The following FER variants were observed in gnomAD, a reference collection of about 807,000 sequenced individuals.
The protein encoded by FER is FER tyrosine kinase, also known as tyrosine-protein kinase Fer.
Under a neutral mutation model 111.0 loss-of-function variants are expected in FER, and 63 were observed. The observed-to-expected ratio is 0.57, with a 90% CI of 0.46 to 0.70. The LOEUF is 0.70. FER is among the 30% of genes least tolerant of loss of function. FER has a pLI of 0.00. For synonymous variants in FER, 327 were observed against 313.9 expected (o/e 1.04, Z -0.44); for missense variants, 914 against 954.0 (o/e 0.96, Z 0.55).
chr5:109,053,874 G>C (rs559407404), intron 16 of FER, among the ~76,000 whole-genome samples: 1 of 151,660 alleles, frequency 6.6e-6, no homozygotes, highest in Non-Finnish European at 1.5e-5. Flanking sequence ...TGTATTTTTA[G>C]TACTGACGGG....
At chr5:109,126,717 C>T (rs1174718017) in intron 17 of FER, among the ~76,000 whole-genome samples, 1 of 152,058 alleles carries the variant, frequency 6.6e-6, no homozygotes. Context: ...TGAATTGCTC[C>T]TTGTCATTAT....
Position 108,928,291 on chromosome 5 carries a change from AG to A in FER, c.1237-17837del, listed in dbSNP as rs548620237. Among the ~76,000 whole-genome samples the A allele has an allele frequency of 4.4e-3, 666 of 152,322 alleles. 1 individual carries two copies. The highest frequency in any genetic ancestry group is 6.8e-3 in the Middle Eastern group (2 of 294). Reference sequence around the variant, plus strand: ...GCTTTTGTAAATATCTATATTTTGAAGGCCTGGTACTTACCCTCCTGCCAGC... The same window carrying A: ...GCTTTTGTAAATATCTATATTTTGAAGCCTGGTACTTACCCTCCTGCCAGC... On this transcript the variant is annotated intron_variant, in intron 10 of 19. Transcript: ENST00000281092.
At chr5:108,946,625 A>C (rs1757023265) in intron 11 of FER, among the ~76,000 whole-genome samples, 1 of 151,974 alleles carries the variant, frequency 6.6e-6, no homozygotes, top group African/African-American at 2.4e-5. Context: ...ATTTATGTGT[A>C]TATTTATATT....
chr5:108,899,233 C>T (rs984519345), intron 10 of FER, among the ~76,000 whole-genome samples: 4 of 152,064 alleles, frequency 2.6e-5, no homozygotes, highest in Admixed American at 6.5e-5. Flanking sequence ...CCATATTAAT[C>T]TACACATCAC....
At chr5:109,153,303 C>A (rs952361820) in intron 17 of FER, among the ~76,000 whole-genome samples, 16 of 151,746 alleles carry the variant, frequency 1.1e-4, no homozygotes, top group African/African-American at 2.7e-4. Flanking sequence ...AATATAGTTA[C>A]ATCTTCTGGT....
chr5:109,015,650 C>G (rs1428168831), intron 13 of FER, among the ~76,000 whole-genome samples: 1 of 151,980 alleles, frequency 6.6e-6, no homozygotes, highest in Non-Finnish European at 1.5e-5. Flanking sequence ...GCAGGATCAG[C>G]ACATCATGCC....
At chr5:108,879,697 AAAAAATATATATAT>A (rs1366486883) in intron 8 of FER, among the ~76,000 whole-genome samples, 2 of 96,038 alleles carry the variant, frequency 2.1e-5, no homozygotes, top group African/African-American at 6.1e-5. Context: ...TTAGATTAAA[AAAAAATATATATAT>A]ATATATATAT....
In FER at chr5:109,188,902, C is replaced by T. The variant is rs912455000; in HGVS notation, c.*1327C>T. On this transcript the variant is annotated 3_prime_UTR_variant, in exon 20 of 20. Transcript: ENST00000281092. Reference sequence around the variant, plus strand: ...TGATTCTAGTTCACCAACACATTCACGTGTGTACATGCGCGTGCACACACA... The same window carrying T: ...TGATTCTAGTTCACCAACACATTCATGTGTGTACATGCGCGTGCACACACA... 1 of 151,006 alleles carries T rather than the reference C, an allele frequency of 6.6e-6. No homozygotes were observed. The highest frequency in any genetic ancestry group is 2.4e-5 in the African/African-American group (1 of 41,030). The allele number at this position is 151,006 out of a possible 1,614,324, so 9.4% of individuals were successfully genotyped here.
intron 1 of FER, among the ~76,000 whole-genome samples, chr5:108,755,277 C>T (rs1383880904): frequency 6.6e-6 from 1 of 152,122 alleles, no homozygotes; most frequent in Non-Finnish European, 1.5e-5. Flanking sequence ...AAGGTTTAGT[C>T]CTTGGTCGCT....
intron 16 of FER, among the ~76,000 whole-genome samples, chr5:109,091,887 A>G (rs1464750546): frequency 2.0e-5 from 3 of 152,178 alleles, no homozygotes; most frequent in African/African-American, 4.8e-5. Flanking sequence ...GAAGAGCTTT[A>G]TTATTTATTA....
chr5:109,156,649 G>A (rs1755425970), intron 17 of FER, among the ~76,000 whole-genome samples: 1 of 151,984 alleles, frequency 6.6e-6, no homozygotes, highest in African/African-American at 2.4e-5. Flanking sequence ...GAACATCAAT[G>A]TTTAAGGAAT....
At chr5:108,915,148 C>A (rs1581180709) in intron 10 of FER, among the ~76,000 whole-genome samples, 1 of 152,112 alleles carries the variant, frequency 6.6e-6, no homozygotes, top group Admixed American at 6.6e-5. Flanking sequence ...TTTGGTTAAC[C>A]TAAGAGTCTC....
At chr5:109,083,207 G>A (rs530383557) in intron 16 of FER, among the ~76,000 whole-genome samples, 2 of 152,132 alleles carry the variant, frequency 1.3e-5, no homozygotes, top group East Asian at 3.9e-4. Flanking sequence ...ATTGAAAGCG[G>A]CTTTGATATC....
chr5:108,820,470 GAAT>G (rs1580715275), intron 3 of FER: 1 of 985,320 alleles, frequency 1.0e-6, no homozygotes, highest in East Asian at 1.1e-4. Context: ...AGTCCAAGAG[GAAT>G]AAAAGCAATT....
intron 13 of FER, among the ~76,000 whole-genome samples, chr5:108,983,039 A>G (rs533312594): frequency 6.6e-6 from 1 of 152,188 alleles, no homozygotes; most frequent in South Asian, 2.1e-4. Context: ...CAAAGATGGT[A>G]TATATTTTGT....
intron 5 of FER, among the ~76,000 whole-genome samples, chr5:108,864,575 T>C (rs1763846538): frequency 6.6e-6 from 1 of 152,214 alleles, no homozygotes; most frequent in Non-Finnish European, 1.5e-5. Context: ...TTTCTACATA[T>C]GGCTAGCCAG....
chr5:108,840,167 C>T (rs561807856), intron 5 of FER, among the ~76,000 whole-genome samples: 4 of 152,212 alleles, frequency 2.6e-5, no homozygotes, highest in African/African-American at 9.6e-5. Flanking sequence ...TAGCTTGCAT[C>T]TGCTGAGAAT....
chr5:108,923,007 A>G (rs1031664732), intron 10 of FER, among the ~76,000 whole-genome samples: 12 of 152,152 alleles, frequency 7.9e-5, no homozygotes, highest in Admixed American at 3.3e-4. Context: ...TTTTGGCTAT[A>G]TAACTTTGGG....
At chr5:108,864,835 A>G (rs1763872014) in intron 5 of FER, among the ~76,000 whole-genome samples, 3 of 152,134 alleles carry the variant, frequency 2.0e-5, no homozygotes, top group South Asian at 2.1e-4. Flanking sequence ...TGACTTGGCA[A>G]TGTGGGCTCT....
Sources: gnomAD v4.1 joint callset for allele counts (sites outside exome capture counted in the v4.1 genomes callset) on GRCh38, gnomAD v4.1.1 for gene constraint, MANE v1.5 for transcripts, NCBI Gene and HGNC (gene_info 2026-07-23, HGNC 2026-07-21) for gene names.